SNX29: variants seen among roughly 807,000 people sequenced by gnomAD.
SNX29 encodes sorting nexin 29, also known as sorting nexin-29.
SNX29 carries 78 observed loss-of-function variants against 102.1 expected under a neutral mutation model. That is an observed-to-expected ratio of 0.76 (90% CI 0.64 to 0.92). SNX29 has a LOEUF of 0.92. Among genes scored for constraint, SNX29 ranks in the 40% least tolerant of loss-of-function variants. The pLI, the probability that SNX29 is intolerant of heterozygous loss-of-function variation, is 0.00. For missense variants in SNX29, 1,280 were observed against 1,061.7 expected, an observed-to-expected ratio of 1.21 and a Z score of -2.86; for synonymous variants, 580 against 414.5, an observed-to-expected ratio of 1.40 and a Z score of -4.85.
At chr16:12,341,224 G>A (rs1435555558) in intron 15 of SNX29, among the ~76,000 whole-genome samples, 5 of 152,230 alleles carry the variant, frequency 3.3e-5, no homozygotes, top group Non-Finnish European at 7.3e-5. Context: ...CAAGTCTTGT[G>A]ATGGATAGAC....
chr16:12,274,212 A>G (rs1226535859), intron 14 of SNX29, among the ~76,000 whole-genome samples: 3 of 152,170 alleles, frequency 2.0e-5, no homozygotes, highest in African/African-American at 7.2e-5. Flanking sequence ...ATTTTTCTTC[A>G]GAATGTTGAA....
intron 8 of SNX29, among the ~76,000 whole-genome samples, chr16:12,054,424 T>C (rs2050436175): frequency 6.6e-6 from 1 of 152,234 alleles, no homozygotes; most frequent in African/African-American, 2.4e-5. Context: ...GTGAGGGAAG[T>C]GTTTGAATTG....
chr16:12,015,645 C>G (rs1182587789), intron 3 of SNX29, among the ~76,000 whole-genome samples: 1 of 151,594 alleles, frequency 6.6e-6, no homozygotes, highest in Non-Finnish European at 1.5e-5. Flanking sequence ...ACACCATTCT[C>G]CTGTCTCAGC....
At chr16:12,325,746 G>A (rs2081093313) in intron 15 of SNX29, among the ~76,000 whole-genome samples, 1 of 151,874 alleles carries the variant, frequency 6.6e-6, no homozygotes, top group African/African-American at 2.4e-5. Flanking sequence ...ATAATTTTTG[G>A]CCAGGCACAG....
At chr16:12,291,745 A>C (rs2079802336) in intron 15 of SNX29, among the ~76,000 whole-genome samples, 1 of 152,174 alleles carries the variant, frequency 6.6e-6, no homozygotes, top group Non-Finnish European at 1.5e-5. Flanking sequence ...CTCCATTGAG[A>C]CATGGAGAAG....
chr16:12,273,019 G>A lies in SNX29; in HGVS notation c.1679-4914G>A, dbSNP rs529479490. On this transcript the variant is annotated intron_variant, in intron 14 of 20. Transcript: ENST00000566228. Reference sequence around the variant, plus strand: ...TGATTACATTATTATAACTGGAAATGCTATCTACAGCTGTGAAGTGCATGA... The same window carrying A: ...TGATTACATTATTATAACTGGAAATACTATCTACAGCTGTGAAGTGCATGA... Among the ~76,000 whole-genome samples, 3 of 152,308 alleles carry A rather than the reference G, an allele frequency of 2.0e-5. No individual in the cohort carries two copies. In the South Asian group the frequency reaches 6.2e-4, roughly 32 times the overall value.
rs372979422 is a variant in SNX29, at chr16:12,026,377, G to A, written c.123-943G>A. On this transcript the variant is annotated intron_variant, in intron 3 of 20. Transcript: ENST00000566228. ...CATGCACATGAGTGAGGCAGAAACC[G>A]TGCCTGTCTCACTCTCACTGTCATC... Among the ~76,000 whole-genome samples the A allele has an allele frequency of 3.9e-5, 6 of 152,146 alleles. No homozygotes were observed. In the East Asian group the frequency reaches 7.7e-4, roughly 20 times the overall value.
intron 20 of SNX29, among the ~76,000 whole-genome samples, chr16:12,563,689 G>GC (rs2078859913): frequency 6.6e-6 from 1 of 152,174 alleles, no homozygotes; most frequent in East Asian, 1.9e-4. Flanking sequence ...ATGGGGTCTG[G>GC]CCTCATGTAA....
chr16:12,281,742 T>C (rs1330485969), intron 15 of SNX29, among the ~76,000 whole-genome samples: 2 of 151,878 alleles, frequency 1.3e-5, no homozygotes, highest in African/African-American at 4.8e-5. Flanking sequence ...CTTTGGGAAG[T>C]TTAGTAACTT....
At chr16:12,415,213 A>G (rs891168516) in intron 18 of SNX29, among the ~76,000 whole-genome samples, 21 of 152,250 alleles carry the variant, frequency 1.4e-4, no homozygotes, top group African/African-American at 5.1e-4. Flanking sequence ...CACTGTCTGC[A>G]GGTTGGAAGT....
chr16:12,134,526 G>A (rs2054590188), intron 13 of SNX29, among the ~76,000 whole-genome samples: 1 of 152,170 alleles, frequency 6.6e-6, no homozygotes, highest in African/African-American at 2.4e-5. Context: ...CTCTCCGTGG[G>A]GCTGCTCCCA....
At chr16:12,305,834 C>G (rs2080320493) in intron 15 of SNX29, among the ~76,000 whole-genome samples, 1 of 152,162 alleles carries the variant, frequency 6.6e-6, no homozygotes, top group African/African-American at 2.4e-5. Flanking sequence ...AGCCCTTGTC[C>G]TTTTCTGTAC....
At chr16:12,065,540 A>C (rs77932425) in intron 9 of SNX29, among the ~76,000 whole-genome samples, 2,334 of 152,066 alleles carry the variant, frequency 0.015, 64 homozygotes, top group African/African-American at 0.053. Context: ...CTAAAGTTCT[A>C]TTTCTCCTTG....
intron 19 of SNX29, among the ~76,000 whole-genome samples, chr16:12,494,873 T>G (rs1567621481): frequency 6.6e-6 from 1 of 152,236 alleles, no homozygotes; most frequent in Non-Finnish European, 1.5e-5. Flanking sequence ...AAACTAGCCC[T>G]GCTTCACATC....
intron 14 of SNX29, among the ~76,000 whole-genome samples, chr16:12,202,916 A>G (rs1481029943): frequency 6.6e-6 from 1 of 152,260 alleles, no homozygotes; most frequent in African/African-American, 2.4e-5. Flanking sequence ...GTGGGCTCAC[A>G]TTAGCCACTG....
At position 12,569,005 on chromosome 16, in the gene SNX29, G is replaced by C. The variant is rs1193171986; in HGVS notation, c.*376G>C. 7.4e-6 allele frequency: 2 copies of C among 271,852 alleles called. No individual in the cohort carries two copies. The highest frequency in any genetic ancestry group is 4.3e-5 in the African/African-American group (2 of 46,252). The allele number at this position is 271,852 out of a possible 1,614,324, so 16.8% of individuals were successfully genotyped here. On this transcript the variant is annotated 3_prime_UTR_variant, in exon 21 of 21. Transcript: ENST00000566228. The stretch of plus-strand genomic sequence containing the variant: ...GCAAAGGTGATCCCCTATATAGGAA[G>C]GTTCATGCAGAGCCAGCCTCTCCAC...
In SNX29 at chr16:12,069,132, G is replaced by A. The variant is rs2051175935; in HGVS notation, c.1319G>A (p.Ser440Asn). The A allele has an allele frequency of 6.2e-7, 1 of 1,610,480 alleles. No homozygotes were observed. The highest frequency in any genetic ancestry group is 8.5e-7 in the Non-Finnish European group (1 of 1,177,960). ...HVLPDPGLRY[S>N]VEASSPGHGS... ...CTCCCAGATCCTGGACTTCGGTACA[G>A]GTTAATATTGAGAAACCCAGTTGCC... Residue 440 changes from serine (S) to asparagine (N), a missense_variant and splice_region_variant, in exon 10 of 21, where the codon AGT (serine) becomes AAT (asparagine). Ser to Asn is a conservative substitution (Grantham distance 46). Transcript: ENST00000566228.
intron 15 of SNX29, 86 bp from the exon 16 acceptor site, chr16:12,356,077 G>A: frequency 7.9e-7 from 1 of 1,268,084 alleles, no homozygotes. Flanking sequence ...GCTGACAGGT[G>A]TCAGGAAGGA....
intron 20 of SNX29, among the ~76,000 whole-genome samples, chr16:12,549,192 C>A (rs1395028702): frequency 6.6e-6 from 1 of 152,190 alleles, no homozygotes; most frequent in Admixed American, 6.5e-5. Context: ...AGGGGCTAGG[C>A]ACCCCTCACG....
Sources: gnomAD v4.1 joint callset for allele counts (sites outside exome capture counted in the v4.1 genomes callset) on GRCh38, gnomAD v4.1.1 for gene constraint, MANE v1.5 for transcripts, NCBI Gene and HGNC (gene_info 2026-07-23, HGNC 2026-07-21) for gene names.